The following AOAH variants were observed in gnomAD, a reference collection of about 807,000 sequenced individuals.
The protein encoded by AOAH is acyloxyacyl hydrolase, also known as acyloxyacyl hydrolase (neutrophil).
In AOAH, 64 loss-of-function variants were observed where a neutral mutation model predicts 92.2. The ratio of observed to expected loss-of-function variants is 0.69; its 90% CI spans 0.57 to 0.86. The LOEUF (loss-of-function observed/expected upper bound fraction) is 0.86. Among genes scored for constraint, AOAH ranks in the 40% least tolerant of loss-of-function variants. The pLI, the probability that AOAH is intolerant of heterozygous loss-of-function variation, is 0.00. For missense variants in AOAH, 656 were observed against 694.6 expected (o/e 0.94, Z 0.62); for synonymous variants, 263 against 254.5 (o/e 1.03, Z -0.32).
chr7:36,722,510 G>T (rs1195629091), intron 1 of AOAH, among the ~76,000 whole-genome samples: 5 of 152,140 alleles, frequency 3.3e-5, no homozygotes, highest in Non-Finnish European at 7.4e-5. Flanking sequence ...AAAATGAAAA[G>T]GTGGCAAATA....
chr7:36,595,153 A>AGTCTAAATTTTAGACTCCTGTGGT (rs1790014306), intron 11 of AOAH, among the ~76,000 whole-genome samples: 2 of 152,212 alleles, frequency 1.3e-5, no homozygotes, highest in East Asian at 3.9e-4. Flanking sequence ...GACTTCTGGG[A>AGTCTAAATTTTAGACTCCTGTGGT]CTAATCTCTC....
At chr7:36,635,436 C>T (rs1793447746) in intron 5 of AOAH, among the ~76,000 whole-genome samples, 1 of 152,206 alleles carries the variant, frequency 6.6e-6, no homozygotes, top group Non-Finnish European at 1.5e-5. Flanking sequence ...CTGTACACAG[C>T]CAGGCTGAAA....
At chr7:36,678,582 TGTGTGTGTGTGTGTGTGTGC>T (rs950842727) in intron 2 of AOAH, among the ~76,000 whole-genome samples, 4 of 108,070 alleles carry the variant, frequency 3.7e-5, no homozygotes, top group East Asian at 3.3e-4. Context: ...TGTGTGTGTG[TGTGTGTGTGTGTGTGTGTGC>T]GCGCGCGCGC....
At chr7:36,622,187 TTGTG>T (rs1366848477) in intron 7 of AOAH, among the ~76,000 whole-genome samples, 3 of 152,112 alleles carry the variant, frequency 2.0e-5, no homozygotes, top group Non-Finnish European at 2.9e-5. Context: ...ACACGTGTGT[TTGTG>T]TGAATATGTG....
chr7:36,649,471 C>T (rs760868150), intron 4 of AOAH, among the ~76,000 whole-genome samples: 8 of 152,142 alleles, frequency 5.3e-5, no homozygotes, highest in Non-Finnish European at 1.0e-4. Flanking sequence ...TTAAACATGG[C>T]GCTTGCAACT....
intron 3 of AOAH, among the ~76,000 whole-genome samples, chr7:36,670,507 A>G (rs1056029157): frequency 7.9e-5 from 12 of 152,120 alleles, no homozygotes; most frequent in African/African-American, 2.9e-4. Flanking sequence ...TTAGAAAGAA[A>G]AATGTGATTC....
chr7:36,585,983 G>C (rs1382913943), intron 12 of AOAH, among the ~76,000 whole-genome samples: 1 of 152,068 alleles, frequency 6.6e-6, no homozygotes, highest in Non-Finnish European at 1.5e-5. Flanking sequence ...CAGGTGAAGG[G>C]CTTTGTCAAT....
At chr7:36,717,881 TACA>T (rs1178239930) in intron 1 of AOAH, among the ~76,000 whole-genome samples, 2 of 151,866 alleles carry the variant, frequency 1.3e-5, no homozygotes, top group Non-Finnish European at 2.9e-5. Context: ...AACTAATAAC[TACA>T]ACAACAATTT....
intron 4 of AOAH, among the ~76,000 whole-genome samples, chr7:36,655,061 G>A (rs1794796238): frequency 6.6e-6 from 1 of 152,202 alleles, no homozygotes; most frequent in Non-Finnish European, 1.5e-5. Flanking sequence ...AAGTAAGTAT[G>A]TGCCTGGCAT....
At chr7:36,630,743 A>C (rs1053296732) in intron 6 of AOAH, among the ~76,000 whole-genome samples, 1 of 152,216 alleles carries the variant, frequency 6.6e-6, no homozygotes, top group Non-Finnish European at 1.5e-5. Context: ...GCTCAGAGAC[A>C]TTAAGTGGCC....
At chr7:36,566,038 T>C (rs1053639010) in intron 13 of AOAH, among the ~76,000 whole-genome samples, 4 of 152,040 alleles carry the variant, frequency 2.6e-5, no homozygotes, top group African/African-American at 9.7e-5. Context: ...TAATCTAAAC[T>C]GATTGCTTAG....
chr7:36,519,228 T>TA (rs2115784795), intron 20 of AOAH, among the ~76,000 whole-genome samples: 1 of 152,298 alleles, frequency 6.6e-6, no homozygotes, highest in African/African-American at 2.4e-5. Flanking sequence ...TAATACGCGG[T>TA]AGATTTCTCC....
chr7:36,548,695 G>T lies in AOAH; in HGVS notation c.1059-9C>A. 3 of 1,610,882 alleles carry T rather than the reference G, an allele frequency of 1.9e-6. No individual in the cohort carries two copies. Among genetic ancestry groups the T allele is most frequent in the Non-Finnish European group, 2.5e-6 (3 of 1,177,282 alleles). Reference sequence around the variant, plus strand: ...CCTTGTTTCTAGACAAGCTGAGAAGGCATAGATGGAATCTGAATGTCAGAT... The same window carrying T: ...CCTTGTTTCTAGACAAGCTGAGAAGTCATAGATGGAATCTGAATGTCAGAT... On this transcript the variant is annotated splice_polypyrimidine_tract_variant and intron_variant, in intron 14 of 20. Transcript: ENST00000617537.
intron 15 of AOAH, among the ~76,000 whole-genome samples, chr7:36,544,622 G>A (rs1386283587): frequency 6.6e-6 from 1 of 152,196 alleles, no homozygotes; most frequent in Non-Finnish European, 1.5e-5. Flanking sequence ...AATAATGAGA[G>A]AGAAACTGGT....
intron 1 of AOAH, among the ~76,000 whole-genome samples, chr7:36,687,880 A>G (rs1203238596): frequency 2.0e-5 from 3 of 152,192 alleles, no homozygotes; most frequent in Non-Finnish European, 2.9e-5. Flanking sequence ...ACATTCCTAT[A>G]CATAAAGATG....
intron 4 of AOAH, among the ~76,000 whole-genome samples, chr7:36,648,149 G>A (rs60023210): frequency 0.34 from 51,413 of 151,726 alleles, 9,139 homozygotes; most frequent in Middle Eastern, 0.39. Flanking sequence ...CTGGGATTAC[G>A]CCCGGCCCTC....
At chr7:36,651,040 G>A (rs575095327) in intron 4 of AOAH, among the ~76,000 whole-genome samples, 13 of 152,282 alleles carry the variant, frequency 8.5e-5, no homozygotes, top group Admixed American at 7.2e-4. Flanking sequence ...TGACGCAGGC[G>A]AGGTGGAGTG....
chr7:36,576,116 C>T (rs17170639), intron 13 of AOAH, among the ~76,000 whole-genome samples: 2,074 of 152,270 alleles, frequency 0.014, 21 homozygotes, highest in Non-Finnish European at 0.016. Flanking sequence ...GGCAATAGAC[C>T]GCCTCCAGGT....
chr7:36,670,619 C>G (rs1372222167), intron 3 of AOAH, among the ~76,000 whole-genome samples: 1 of 152,060 alleles, frequency 6.6e-6, no homozygotes, highest in Non-Finnish European at 1.5e-5. Flanking sequence ...GGACTACAGG[C>G]GCGCGCCACC....
Sources: gnomAD v4.1 joint callset for allele counts (sites outside exome capture counted in the v4.1 genomes callset) on GRCh38, gnomAD v4.1.1 for gene constraint, MANE v1.5 for transcripts, NCBI Gene and HGNC (gene_info 2026-07-23, HGNC 2026-07-21) for gene names.